Variants in IFI27L2 observed in about 807,000 individuals in gnomAD.
The protein encoded by IFI27L2 is interferon alpha inducible protein 27 like 2, also known as interferon alpha-inducible protein 27-like protein 2.
A neutral mutation model predicts 7.9 loss-of-function variants in IFI27L2; 8 were observed. That is an observed-to-expected ratio of 1.02 (90% CI 0.60 to 1.84). The LOEUF (loss-of-function observed/expected upper bound fraction) is 1.84, where lower values mean the gene tolerates loss of function less well. IFI27L2 is among the 40% of genes most tolerant of loss of function. The probability of loss-of-function intolerance (pLI) is 0.00; values close to 1 mark genes in which losing one functional copy is unlikely to be tolerated. For synonymous variants in IFI27L2, 56 were observed against 66.5 expected (o/e 0.84, Z 0.77); for missense variants, 190 against 165.8 (o/e 1.15, Z -0.80).
At position 94,127,919 on chromosome 14, in the gene IFI27L2, C is replaced by T. The variant is rs1037832872; in HGVS notation, c.273G>A (p.Gly91=). 6.2e-7 allele frequency: 1 copy of T among 1,613,880 alleles called. No homozygotes were observed. Among genetic ancestry groups the T allele is most frequent in the Admixed American group, 1.7e-5 (1 of 60,024 alleles). ...SVGSVLGACL[G]NSPSSSLPAE... is the part of the protein sequence containing the mutation. ...CTGGGAGAGAAGAAGAAGGTGAATT[C>T]CCCAAGCAGGCCCCCAACACTGACC... Residue 91 remains glycine, a synonymous_variant, in exon 4 of 4, where the codon GGG becomes GGA. Coordinates refer to ENST00000238609, the MANE Select transcript of IFI27L2 (RefSeq NM_032036.3).
chr14:94,128,432 C>G, intron 3 of IFI27L2, 82 bp downstream of exon 3: 2 of 1,316,808 alleles, frequency 1.5e-6, no homozygotes, highest in South Asian at 1.2e-5. Flanking sequence ...CACGGAACTT[C>G]AGGGTGAGAA....
chr14:94,129,369 G>A, intron 1 of IFI27L2, 78 bp from the exon 2 acceptor site: 1 of 1,153,446 alleles, frequency 8.7e-7, no homozygotes, highest in Non-Finnish European at 1.3e-6. Flanking sequence ...AGAAAGGGAG[G>A]GAGGGGGAGG....
At chr14:94,129,170 G>T in intron 2 of IFI27L2, 92 bp downstream of exon 2, 1 of 1,011,516 alleles carries the variant, frequency 9.9e-7, no homozygotes, top group Non-Finnish European at 1.5e-6. Flanking sequence ...TGGAGGGTGA[G>T]AGCCAGCCCA....
Position 94,128,522 on chromosome 14 carries a change from T to C in IFI27L2, c.191A>G (p.Gln64Arg). The change falls in exon 3 of 4, where the codon CAG becomes CGG. Residue 64 changes from glutamine to arginine, a missense_variant. Coordinates refer to ENST00000238609, the MANE Select transcript of IFI27L2 (RefSeq NM_032036.3). The stretch of plus-strand genomic sequence containing the variant: ...CTGTCTAGGACACTTACCCACGGAC[T>C]GCAGAGTAGCCACCAGGCTCCCCGC... Reference protein sequence around the residue: ...VSAGSLVATLQSVGAAGLSTS... With the variant: ...VSAGSLVATLRSVGAAGLSTS... 1 of 1,614,178 alleles carries C rather than the reference T, an allele frequency of 6.2e-7. No individual in the cohort carries two copies.
In IFI27L2 at chr14:94,129,574, G is replaced by T. The variant is rs1226739304; in HGVS notation, c.-10C>A. ...AAGACTCACTCATCATGGTGAGGCCGTCCGGGTCCCAACTTGGCCCAGGAA... is the reference window on the plus strand; with the variant it reads ...AAGACTCACTCATCATGGTGAGGCCTTCCGGGTCCCAACTTGGCCCAGGAA... On this transcript the variant is annotated 5_prime_UTR_variant, in exon 1 of 4. Coordinates refer to ENST00000238609, the MANE Select transcript of IFI27L2 (RefSeq NM_032036.3). The T allele has an allele frequency of 1.9e-6, 3 of 1,613,606 alleles. No homozygotes were observed. Among genetic ancestry groups the T allele is most frequent in the East Asian group, 4.5e-5 (2 of 44,836 alleles).
At chr14:94,129,003 G>A in intron 2 of IFI27L2, 1 of 574,282 alleles carries the variant, frequency 1.7e-6, no homozygotes, top group South Asian at 2.3e-5. Flanking sequence ...AATAAGCCAC[G>A]TGGAGTTTAG....
rs1423165287 is a variant in IFI27L2, at chr14:94,128,327, C to T, written c.199+187G>A. On this transcript the variant is annotated intron_variant, in intron 3 of 3. Transcript: ENST00000238609. ...CTTTCCTCTTCTCCCTACCCAGCAC[C>T]CCATCACCCCTCCACTCCTACCCCA... is the stretch of plus-strand genomic sequence containing the variant. 6 of 616,040 alleles carry T rather than the reference C, an allele frequency of 9.7e-6. No individual in the cohort carries two copies. In the Admixed American group the frequency reaches 1.7e-4, roughly 18 times the overall value. The allele number at this position is 616,040 out of a possible 1,614,324, so 38.2% of individuals were successfully genotyped here. A position where few individuals can be genotyped will look rare whatever the true frequency, so the allele number is the denominator to read the frequency against.
Position 94,127,960 on chromosome 14 carries a change from G to A in IFI27L2, c.232C>T (p.Leu78Phe). The change falls in exon 4 of 4, where the codon CTC becomes TTC. Residue 78 changes from leucine (L) to phenylalanine (F), a missense_variant. By Grantham distance (22) the Leu-to-Phe change is conservative. Transcript: ENST00000238609. ...AACACTGACCCAACAGAGGCCAGGA[G>A]GATGTTGGATGATGTGGAGAGTCCA... Reference protein sequence around the residue: ...AAGLSTSSNILLASVGSVLGA... With the variant: ...AAGLSTSSNIFLASVGSVLGA... 2 of 1,613,690 alleles carry A rather than the reference G, an allele frequency of 1.2e-6. No individual in the cohort carries two copies. Among genetic ancestry groups the A allele is most frequent in the Non-Finnish European group, 8.5e-7 (1 of 1,179,858 alleles).
intron 2 of IFI27L2, 73 bp downstream of exon 2, chr14:94,129,189 T>C: frequency 7.9e-7 from 1 of 1,270,542 alleles, no homozygotes; most frequent in South Asian, 1.3e-5. Flanking sequence ...CAGCGCCTCA[T>C]CTCTGCGTTC....
chr14:94,129,115 T>C, intron 2 of IFI27L2, 147 bp downstream of exon 2: 1 of 654,664 alleles, frequency 1.5e-6, no homozygotes, highest in Non-Finnish European at 2.8e-6. Flanking sequence ...CCCTGGAGTA[T>C]TTTGATGCTG....
intron 3 of IFI27L2, chr14:94,128,255 A>T: frequency 1.7e-6 from 1 of 593,338 alleles, no homozygotes; most frequent in East Asian, 2.8e-5. Flanking sequence ...GACCTTGCCC[A>T]GGTCACCCAG....
At chr14:94,129,478 T>C in intron 1 of IFI27L2, 80 bp downstream of exon 1, 1 of 1,375,580 alleles carries the variant, frequency 7.3e-7, no homozygotes, top group Non-Finnish European at 1.0e-6. Context: ...ATGAAGCTAT[T>C]CCCTGTCCCT....
rs529864072 is a variant in IFI27L2 at position 94,129,557 on chromosome 14, C to G, written c.7+1G>C. On this transcript the variant is annotated splice_donor_variant, in intron 1 of 3. Transcript: ENST00000238609. LOFTEE classifies it high-confidence loss of function. ...CAGCCCCCTGGGGAAGCAAGACTCACTCATCATGGTGAGGCCGTCCGGGTC... is the reference window on the plus strand; with the variant it reads ...CAGCCCCCTGGGGAAGCAAGACTCAGTCATCATGGTGAGGCCGTCCGGGTC... The G allele has an allele frequency of 1.2e-6, 2 of 1,613,846 alleles. No homozygotes were observed. Among genetic ancestry groups the G allele is most frequent in the East Asian group, 4.5e-5 (2 of 44,846 alleles).
intron 1 of IFI27L2, 28 bp from the exon 2 acceptor site, chr14:94,129,319 G>T (rs1388235904): frequency 3.8e-6 from 6 of 1,596,904 alleles, no homozygotes; most frequent in African/African-American, 1.3e-5. Context: ...GGGGAAGGCA[G>T]AGGGAGATGG....
chr14:94,128,945 TTGTGTG>T (rs60745025), intron 2 of IFI27L2: 12,631 of 531,784 alleles, frequency 0.024, 97 homozygotes, highest in Non-Finnish European at 0.032. Context: ...GGTCTCAAAT[TTGTGTG>T]TGTGTGTGTG....
intron 3 of IFI27L2, chr14:94,128,244 G>GGA (rs541736821): frequency 9.4e-5 from 56 of 592,698 alleles, no homozygotes; most frequent in African/African-American, 9.3e-4. Context: ...AGAGGACAGG[G>GGA]GACCTTGCCC....
Position 94,129,288 on chromosome 14 carries a change from C to G in IFI27L2, c.11G>C (p.Arg4Pro). Residue 4 changes from arginine to proline, a missense_variant, in exon 2 of 4, where the codon CGG (arginine) becomes CCG (proline). Transcript: ENST00000238609. MMK[R>P]AAAAAVGGAL... is the part of the protein sequence containing the mutation. Reference sequence around the variant, plus strand: ...TCCTCCCACTGCAGCAGCAGCTGCCCGTTCTAGAGAGAGAGTGCCAGGGGA... The same window carrying G: ...TCCTCCCACTGCAGCAGCAGCTGCCGGTTCTAGAGAGAGAGTGCCAGGGGA... The G allele has an allele frequency of 1.2e-6, 2 of 1,608,394 alleles. No individual in the cohort carries two copies. Among genetic ancestry groups the G allele is most frequent in the African/African-American group, 1.4e-5 (1 of 73,848 alleles).
chr14:94,128,458 T>A, intron 3 of IFI27L2, 56 bp downstream of exon 3: 1 of 1,550,536 alleles, frequency 6.4e-7, no homozygotes, highest in Non-Finnish European at 8.9e-7. Flanking sequence ...TCCCTCGGGC[T>A]CAGCCTCAGG....
At chr14:94,128,422 C>A in intron 3 of IFI27L2, 92 bp downstream of exon 3, 1 of 1,169,746 alleles carries the variant, frequency 8.5e-7, no homozygotes. Flanking sequence ...AGCTGAGGGT[C>A]ACGGAACTTC....
Sources: gnomAD v4.1 joint callset for allele counts on GRCh38, gnomAD v4.1.1 for gene constraint, MANE v1.5 for transcripts, NCBI Gene and HGNC (gene_info 2026-07-23, HGNC 2026-07-21) for gene names.